The following EXOC4 variants were observed in gnomAD, a reference collection of about 807,000 sequenced individuals.
The protein encoded by EXOC4 is exocyst complex component 4, also known as SEC8-like 1.
Under a neutral mutation model 107.2 loss-of-function variants are expected in EXOC4, and 71 were observed. That is an observed-to-expected ratio of 0.66 (90% confidence interval 0.55 to 0.81). The LOEUF (loss-of-function observed/expected upper bound fraction) is 0.81. EXOC4 is among the 30% of genes least tolerant of loss of function. The probability of loss-of-function intolerance (pLI) is 0.00; values close to 1 mark genes in which losing one functional copy is unlikely to be tolerated. For synonymous variants in EXOC4, 456 were observed against 441.2 expected, an observed-to-expected ratio of 1.03 and a Z score of -0.42; for missense variants, 1,108 against 1,189.6, an observed-to-expected ratio of 0.93 and a Z score of 1.01.
At chr7:133,316,844 A>C (rs898446898) in intron 4 of EXOC4, among the ~76,000 whole-genome samples, 3 of 152,212 alleles carry the variant, frequency 2.0e-5, no homozygotes, top group Non-Finnish European at 2.9e-5. Context: ...ATAGCCTGAA[A>C]AACACAAGTA....
intron 11 of EXOC4, among the ~76,000 whole-genome samples, chr7:133,859,056 A>G (rs1347318197): frequency 1.3e-5 from 2 of 152,152 alleles, no homozygotes; most frequent in African/African-American, 4.8e-5. Context: ...TTTGTTCTTC[A>G]AAAACCTTAT....
chr7:133,947,685 A>G (rs747102177), intron 14 of EXOC4, among the ~76,000 whole-genome samples: 5 of 152,184 alleles, frequency 3.3e-5, no homozygotes, highest in Non-Finnish European at 7.3e-5. Flanking sequence ...TCAACTGTGG[A>G]GCTACAGAAG....
chr7:134,050,446 A>T (rs1368018439), intron 17 of EXOC4, among the ~76,000 whole-genome samples: 1 of 152,034 alleles, frequency 6.6e-6, no homozygotes, highest in Non-Finnish European at 1.5e-5. Context: ...ATACCCTAGT[A>T]ACCTTTTTTA....
chr7:133,597,593 G>T (rs1033980076), intron 9 of EXOC4, among the ~76,000 whole-genome samples: 1 of 136,528 alleles, frequency 7.3e-6, no homozygotes, highest in African/African-American at 2.8e-5. Flanking sequence ...AAAAAACCCC[G>T]AATCCTTGGA....
intron 1 of EXOC4, among the ~76,000 whole-genome samples, chr7:133,267,520 C>T (rs942401281): frequency 5.9e-5 from 9 of 152,102 alleles, no homozygotes; most frequent in Non-Finnish European, 1.0e-4. Context: ...AGAGGCCCTC[C>T]CTGGCCTCCT....
At chr7:133,537,174 G>A (rs1170063053) in intron 9 of EXOC4, among the ~76,000 whole-genome samples, 1 of 151,024 alleles carries the variant, frequency 6.6e-6, no homozygotes, top group Non-Finnish European at 1.5e-5. Flanking sequence ...TCTTTGAGAT[G>A]GAGTCTCACT....
chr7:134,036,720 G>T (rs1795399042), intron 17 of EXOC4, among the ~76,000 whole-genome samples: 1 of 152,196 alleles, frequency 6.6e-6, no homozygotes, highest in African/African-American at 2.4e-5. Flanking sequence ...ATTTACATAT[G>T]TAGATATTCT....
Position 133,847,675 on chromosome 7 carries a change from G to A in EXOC4, c.1734+30131G>A, listed in dbSNP as rs150149862. Among the ~76,000 whole-genome samples, 261 of 150,486 alleles carry A rather than the reference G, an allele frequency of 1.7e-3. 4 individuals carry two copies. Among genetic ancestry groups the A allele is most frequent in the African/African-American group, 5.8e-3 (239 of 40,982 alleles). On this transcript the variant is annotated intron_variant, in intron 11 of 17. Transcript: ENST00000253861. ...GTTGGGATTACAGGTGTGAGTCACT[G>A]TGCCCGGCCCGGTTAGGATTCTTTC... is the stretch of plus-strand genomic sequence containing the variant.
intron 10 of EXOC4, among the ~76,000 whole-genome samples, chr7:133,648,446 A>G (rs1460102796): frequency 6.6e-6 from 1 of 152,136 alleles, no homozygotes; most frequent in Non-Finnish European, 1.5e-5. Flanking sequence ...TCTTTTTTCC[A>G]TGAGATATGT....
chr7:133,351,289 T>G (rs1269441649), intron 5 of EXOC4, among the ~76,000 whole-genome samples: 1 of 152,020 alleles, frequency 6.6e-6, no homozygotes, highest in East Asian at 1.9e-4. Context: ...CTTTAAATGT[T>G]TGGTAGAATT....
chr7:133,651,644 G>C (rs903795251), intron 10 of EXOC4, among the ~76,000 whole-genome samples: 2 of 152,092 alleles, frequency 1.3e-5, no homozygotes, highest in African/African-American at 4.8e-5. Flanking sequence ...TCTGATATTA[G>C]AGTTGCCCAG....
At chr7:133,643,610 C>T (rs569192582) in intron 10 of EXOC4, among the ~76,000 whole-genome samples, 18 of 152,228 alleles carry the variant, frequency 1.2e-4, no homozygotes, top group Middle Eastern at 3.4e-3. Flanking sequence ...GTCAAAATTA[C>T]GCCTAACATA....
chr7:133,602,822 C>T (rs1006876753), intron 9 of EXOC4, among the ~76,000 whole-genome samples: 2 of 152,152 alleles, frequency 1.3e-5, no homozygotes, highest in African/African-American at 4.8e-5. Flanking sequence ...TGGGAAAGCC[C>T]GTGCTGTTAG....
chr7:133,577,352 T>G (rs1801155243), intron 9 of EXOC4, among the ~76,000 whole-genome samples: 1 of 152,190 alleles, frequency 6.6e-6, no homozygotes, highest in Non-Finnish European at 1.5e-5. Flanking sequence ...CCACTGTGTG[T>G]CAATGTCCTG....
At chr7:134,022,447 G>A (rs1183663290) in intron 17 of EXOC4, among the ~76,000 whole-genome samples, 2 of 152,124 alleles carry the variant, frequency 1.3e-5, no homozygotes, top group East Asian at 1.9e-4. Flanking sequence ...CTGTTGTACA[G>A]AGGGGAAGAA....
chr7:133,573,251 C>T (rs1011302976), intron 9 of EXOC4, among the ~76,000 whole-genome samples: 4 of 152,058 alleles, frequency 2.6e-5, no homozygotes, highest in African/African-American at 4.8e-5. Flanking sequence ...TGGAAGCAAC[C>T]GCATTTTTAC....
chr7:133,442,762 T>A (rs925287771), intron 7 of EXOC4, among the ~76,000 whole-genome samples: 10 of 152,196 alleles, frequency 6.6e-5, no homozygotes, highest in African/African-American at 2.4e-4. Flanking sequence ...GAAGATTTGC[T>A]GGATACTGAA....
intron 9 of EXOC4, among the ~76,000 whole-genome samples, chr7:133,531,227 G>C (rs1800176129): frequency 6.6e-6 from 1 of 151,782 alleles, no homozygotes; most frequent in African/African-American, 2.4e-5. Flanking sequence ...TATAAGACAT[G>C]GTATCTTTAT....
chr7:133,488,447 G>T (rs1448924615), intron 9 of EXOC4, among the ~76,000 whole-genome samples: 4 of 151,968 alleles, frequency 2.6e-5, no homozygotes, highest in African/African-American at 9.7e-5. Flanking sequence ...CTCTGTGTGG[G>T]CACCCAGGGT....
Sources: allele counts gnomAD v4.1 joint callset (sites outside exome capture counted in the v4.1 genomes callset), GRCh38; gene constraint gnomAD v4.1.1; transcripts MANE v1.5; gene names NCBI Gene and HGNC (gene_info 2026-07-23, HGNC 2026-07-21).